The following GATAD2B variants were observed in gnomAD, a reference collection of about 807,000 sequenced individuals.
The protein encoded by GATAD2B is transcriptional repressor p66-beta.
GATAD2B carries 8 observed loss-of-function variants against 64.3 expected under a neutral mutation model. The ratio of observed to expected loss-of-function variants is 0.12; its 90% confidence interval spans 0.07 to 0.22. The LOEUF (loss-of-function observed/expected upper bound fraction) is 0.22, where lower values mean the gene tolerates loss of function less well. Ranked by LOEUF, GATAD2B falls within the 10% of genes least tolerant of loss-of-function variation. The pLI, the probability that GATAD2B is intolerant of heterozygous loss-of-function variation, is 1.00. For missense variants in GATAD2B, 453 were observed against 752.0 expected, an observed-to-expected ratio of 0.60 and a Z score of 4.65; for synonymous variants, 281 against 271.3, an observed-to-expected ratio of 1.04 and a Z score of -0.35.
At chr1:153,884,080 T>A (rs569923711) in intron 1 of GATAD2B, among the ~76,000 whole-genome samples, 1 of 151,634 alleles carries the variant, frequency 6.6e-6, no homozygotes, top group East Asian at 1.9e-4. Flanking sequence ...GCAGACCACC[T>A]GAGGCCCGGA....
chr1:153,884,391 T>A (rs908870190), intron 1 of GATAD2B, among the ~76,000 whole-genome samples: 1 of 151,566 alleles, frequency 6.6e-6, no homozygotes, highest in Admixed American at 6.6e-5. Context: ...TGCAGTGAGC[T>A]GAGATCGCTC....
At chr1:153,880,220 T>C (rs1188770217) in intron 1 of GATAD2B, among the ~76,000 whole-genome samples, 1 of 150,324 alleles carries the variant, frequency 6.7e-6, no homozygotes, top group Non-Finnish European at 1.5e-5. Context: ...TCCAGCACCG[T>C]GGGGGCCGAG....
rs376874206 is a variant in GATAD2B at position 153,850,373 on chromosome 1, C to G, written c.-1-22025G>C. Among the ~76,000 whole-genome samples, 30 of 152,246 alleles carry G rather than the reference C, an allele frequency of 2.0e-4. 1 individual carries two copies. In the South Asian group the frequency reaches 6.2e-3, roughly 32 times the overall value. The stretch of plus-strand genomic sequence containing the variant: ...GCAATGCAGTGGCACAAACTTGGCT[C>G]ACTGCAGCCTTCACCTCCCGGGTTC... On this transcript the variant is annotated intron_variant, in intron 1 of 10. Coordinates refer to ENST00000368655, the MANE Select transcript of GATAD2B (RefSeq NM_020699.4).
intron 1 of GATAD2B, chr1:153,853,355 G>A: frequency 2.9e-6 from 2 of 700,292 alleles, no homozygotes; most frequent in Non-Finnish European, 5.3e-6. Flanking sequence ...CTCATCAAGG[G>A]CAGGTTGACC....
chr1:153,871,748 G>A (rs1007465749), intron 1 of GATAD2B, among the ~76,000 whole-genome samples: 1 of 152,048 alleles, frequency 6.6e-6, no homozygotes, highest in African/African-American at 2.4e-5. Context: ...TGGGATTACA[G>A]GCATGAGACA....
chr1:153,922,376 G>T (rs1377006815), intron 1 of GATAD2B, among the ~76,000 whole-genome samples: 1 of 150,558 alleles, frequency 6.6e-6, no homozygotes, highest in African/African-American at 2.4e-5. Flanking sequence ...GATGGCGGGG[G>T]AAACGGGGCG....
chr1:153,892,222 C>T (rs936904587), intron 1 of GATAD2B, among the ~76,000 whole-genome samples: 1 of 150,988 alleles, frequency 6.6e-6, no homozygotes, highest in Admixed American at 6.6e-5. Flanking sequence ...ATCCCCAGGC[C>T]TAGCTAGAAG....
At chr1:153,825,673 G>A (rs1035367893) in intron 2 of GATAD2B, among the ~76,000 whole-genome samples, 1 of 152,112 alleles carries the variant, frequency 6.6e-6, no homozygotes. Context: ...TGATCCACCC[G>A]CCTCGGCCTC....
intron 1 of GATAD2B, among the ~76,000 whole-genome samples, chr1:153,898,316 A>AG (rs1039526835): frequency 2.7e-5 from 4 of 149,790 alleles, no homozygotes; most frequent in African/African-American, 5.0e-5. Flanking sequence ...CAAAAAAAAA[A>AG]AAAAAAAGAA....
intron 1 of GATAD2B, among the ~76,000 whole-genome samples, chr1:153,922,407 A>G (rs1393762206): frequency 6.6e-6 from 1 of 150,858 alleles, no homozygotes. Flanking sequence ...GAGAAAGAGT[A>G]CAAGGAGACG....
Position 153,811,767 on chromosome 1 carries a change from G to T in GATAD2B, c.1612C>A (p.Gln538Lys). 1 of 1,611,422 alleles carries T rather than the reference G, an allele frequency of 6.2e-7. No individual in the cohort carries two copies. Among genetic ancestry groups the T allele is most frequent in the Non-Finnish European group, 8.5e-7 (1 of 1,178,672 alleles). The change falls in exon 10 of 11, where the codon CAG becomes AAG. Residue 538 changes from glutamine to lysine, a missense_variant. By Grantham distance (53) the Gln-to-Lys change is moderately conservative. This residue lies in a region of GATAD2B where 160 missense variants were observed against 334.7 expected (regional missense o/e 0.48). Transcript: ENST00000368655. ...SMLSNFAQAP[Q>K]LSVPGGLLGM... ...AGGAGGCCACCTGGCACAGACAACTGGGGTGCCTGTGCAAAGTTTGAAAGC... is the reference window on the plus strand; with the variant it reads ...AGGAGGCCACCTGGCACAGACAACTTGGGTGCCTGTGCAAAGTTTGAAAGC...
chr1:153,875,983 C>CT (rs1287807114), intron 1 of GATAD2B, among the ~76,000 whole-genome samples: 1 of 151,958 alleles, frequency 6.6e-6, no homozygotes, highest in East Asian at 1.9e-4. Flanking sequence ...AATCCCAGCA[C>CT]TTTGAGAGGC....
intron 1 of GATAD2B, among the ~76,000 whole-genome samples, chr1:153,919,989 T>G (rs1678382515): frequency 6.6e-6 from 1 of 152,242 alleles, no homozygotes; most frequent in African/African-American, 2.4e-5. Context: ...CTTTTCTCAA[T>G]GAGCCAAGCA....
At chr1:153,867,323 A>G (rs1156587805) in intron 1 of GATAD2B, among the ~76,000 whole-genome samples, 1 of 152,214 alleles carries the variant, frequency 6.6e-6, no homozygotes, top group Non-Finnish European at 1.5e-5. Flanking sequence ...TGGCAAGGTT[A>G]GCAACCAGGA....
In GATAD2B at chr1:153,824,519, G is replaced by C. The variant is rs541050765; in HGVS notation, c.335+3494C>G. ...CCCAGCTACTCAGGAGGCTGAGGCA[G>C]GAGAATCGCTTGAACCCAGGAGACG... On this transcript the variant is annotated intron_variant, in intron 2 of 10. Coordinates refer to ENST00000368655, the MANE Select transcript of GATAD2B (RefSeq NM_020699.4). 3.0e-4 allele frequency among the ~76,000 whole-genome samples: 45 copies of C among 150,044 alleles called. No homozygotes were observed. The East Asian group carries it at 8.8e-3, about 29-fold the overall frequency.
In GATAD2B at chr1:153,861,809, T is replaced by TATATACAC. The variant is rs1294838675; in HGVS notation, c.-1-33462_-1-33461insGTGTATAT. Among the ~76,000 whole-genome samples, 61 of 122,150 alleles carry TATATACAC rather than the reference T, an allele frequency of 5.0e-4. No homozygotes were observed. In the South Asian group the frequency reaches 7.2e-3, roughly 14 times the overall value. The allele number at this position is 122,150 out of a possible 152,430, so 80.1% of individuals were successfully genotyped here. A position where few individuals can be genotyped will look rare whatever the true frequency, so the allele number is the denominator to read the frequency against. ...AAAAAAAAAAAAATATATATATATA[T>TATATACAC]ACACATATGTATATATATGTATATG... On this transcript the variant is annotated intron_variant, in intron 1 of 10. Coordinates refer to ENST00000368655, the MANE Select transcript of GATAD2B (RefSeq NM_020699.4).
At chr1:153,885,431 T>TA (rs1677148039) in intron 1 of GATAD2B, among the ~76,000 whole-genome samples, 1 of 151,884 alleles carries the variant, frequency 6.6e-6, no homozygotes. Flanking sequence ...ATTTAAATTT[T>TA]AAAAAAGGGG....
intron 1 of GATAD2B, among the ~76,000 whole-genome samples, chr1:153,871,761 G>A (rs985727371): frequency 1.3e-5 from 2 of 151,988 alleles, no homozygotes; most frequent in Non-Finnish European, 2.9e-5. Flanking sequence ...ATGAGACACC[G>A]TGCCCAGCCT....
intron 1 of GATAD2B, among the ~76,000 whole-genome samples, chr1:153,862,725 C>CTT (rs747632481): frequency 3.9e-5 from 5 of 127,192 alleles, no homozygotes; most frequent in East Asian, 2.4e-4. Context: ...TACTTTATTT[C>CTT]TTTTTTTTTT....
Sources: allele counts gnomAD v4.1 joint callset (sites outside exome capture counted in the v4.1 genomes callset), GRCh38; gene constraint gnomAD v4.1.1; regional missense constraint gnomAD v4.1.1; transcripts MANE v1.5; gene names NCBI Gene and HGNC (gene_info 2026-07-23, HGNC 2026-07-21).